GNG12: variants seen among roughly 807,000 people sequenced by gnomAD.
GNG12 encodes the protein guanine nucleotide-binding protein G(I)/G(S)/G(O) subunit gamma-12.
For missense variants in GNG12, 69 were observed against 83.8 expected (o/e 0.82, Z 0.69); for synonymous variants, 28 against 29.7 (o/e 0.94, Z 0.19).
At chr1:67,738,435 C>T (rs918740385) in intron 2 of GNG12, among the ~76,000 whole-genome samples, 1 of 152,130 alleles carries the variant, frequency 6.6e-6, no homozygotes, top group African/African-American at 2.4e-5. Context: ...AGTCACTGTC[C>T]TCACTGAGCT....
At chr1:67,719,792 T>C (rs1388426476) in intron 2 of GNG12, among the ~76,000 whole-genome samples, 1 of 152,244 alleles carries the variant, frequency 6.6e-6, no homozygotes, top group African/African-American at 2.4e-5. Flanking sequence ...AGCTATTACA[T>C]GGCAGAAAGA....
In GNG12 at chr1:67,714,140, G is replaced by A. The variant is rs114258987; in HGVS notation, c.-26-6428C>T. On this transcript the variant is annotated intron_variant, in intron 2 of 3. Coordinates refer to ENST00000370982, the MANE Select transcript of GNG12 (RefSeq NM_018841.6). Reference sequence around the variant, plus strand: ...TTTTAACTTTAAATTGAATGTCAACGTTTGAAAAATGGAGAGATTTCCTTT... The same window carrying A: ...TTTTAACTTTAAATTGAATGTCAACATTTGAAAAATGGAGAGATTTCCTTT... 2.3e-3 allele frequency among the ~76,000 whole-genome samples: 344 copies of A among 152,264 alleles called. 1 individual carries two copies. The highest frequency in any genetic ancestry group is 3.4e-3 in the Non-Finnish European group (228 of 68,012).
intron 1 of GNG12, among the ~76,000 whole-genome samples, chr1:67,808,500 G>A (rs750962706): frequency 1.4e-4 from 21 of 151,998 alleles, no homozygotes; most frequent in Non-Finnish European, 2.8e-4. Flanking sequence ...AGGGGAAGAG[G>A]AAATAAAACT....
chr1:67,831,436 C>G lies in GNG12; in HGVS notation c.-77+1908G>C, dbSNP rs542355581. 5.3e-5 allele frequency among the ~76,000 whole-genome samples: 8 copies of G among 152,216 alleles called. No individual in the cohort carries two copies. The South Asian group carries it at 1.7e-3, about 32-fold the overall frequency. Reference sequence around the variant, plus strand: ...TTTATAATTCTATTTTTTTCAGGCTCTTGTGAAACACAGATTCACATTTTC... The same window carrying G: ...TTTATAATTCTATTTTTTTCAGGCTGTTGTGAAACACAGATTCACATTTTC... On this transcript the variant is annotated intron_variant, in intron 1 of 3. Transcript: ENST00000370982.
intron 1 of GNG12, among the ~76,000 whole-genome samples, chr1:67,786,219 T>C (rs918285062): frequency 1.1e-4 from 17 of 152,184 alleles, no homozygotes; most frequent in Non-Finnish European, 2.9e-5. Context: ...TCCATGTATA[T>C]ACCAATAAAC....
At chr1:67,780,816 T>G (rs922789197) in intron 1 of GNG12, among the ~76,000 whole-genome samples, 1 of 152,206 alleles carries the variant, frequency 6.6e-6, no homozygotes, top group African/African-American at 2.4e-5. Flanking sequence ...TCATCAGTTT[T>G]ATTTGACTTT....
intron 2 of GNG12, among the ~76,000 whole-genome samples, chr1:67,760,971 G>C (rs1352531629): frequency 6.6e-6 from 1 of 152,176 alleles, no homozygotes; most frequent in African/African-American, 2.4e-5. Flanking sequence ...TTCTTGCTTT[G>C]AAAATGTGCA....
intron 1 of GNG12, among the ~76,000 whole-genome samples, chr1:67,789,740 G>A (rs112487020): frequency 1.4e-4 from 22 of 152,294 alleles, no homozygotes; most frequent in Non-Finnish European, 2.2e-4. Flanking sequence ...AACAAGAGCC[G>A]GAAGGGTTTG....
chr1:67,774,307 C>T (rs993710913), intron 2 of GNG12, among the ~76,000 whole-genome samples: 3 of 152,198 alleles, frequency 2.0e-5, no homozygotes, highest in African/African-American at 7.2e-5. Context: ...TGACTTCACC[C>T]CACTTTTCCT....
chr1:67,739,888 G>C (rs74544889), intron 2 of GNG12, among the ~76,000 whole-genome samples: 1,768 of 152,316 alleles, frequency 0.012, 40 homozygotes, highest in African/African-American at 0.04. Context: ...TTTTAAAGCT[G>C]CTTTTCCATC....
chr1:67,798,554 A>AC (rs1238665307), intron 1 of GNG12, among the ~76,000 whole-genome samples: 1 of 151,630 alleles, frequency 6.6e-6, no homozygotes, highest in Non-Finnish European at 1.5e-5. Context: ...CCCCTCTGCC[A>AC]CCCCGAGACA....
intron 2 of GNG12, among the ~76,000 whole-genome samples, chr1:67,727,462 A>G (rs1309174463): frequency 1.3e-5 from 2 of 152,244 alleles, no homozygotes; most frequent in Non-Finnish European, 2.9e-5. Context: ...AGATTGAATA[A>G]ATACATGCAT....
chr1:67,790,610 C>CTT (rs34333997), intron 1 of GNG12, among the ~76,000 whole-genome samples: 6 of 125,378 alleles, frequency 4.8e-5, no homozygotes, highest in African/African-American at 1.2e-4. Context: ...TAGTTTATTC[C>CTT]TTTTTTTTTT....
intron 2 of GNG12, among the ~76,000 whole-genome samples, chr1:67,711,008 TCTC>T (rs1298206917): frequency 2.0e-5 from 3 of 152,234 alleles, no homozygotes; most frequent in South Asian, 2.1e-4. Flanking sequence ...CCTAGCCCCT[TCTC>T]CTGCTCTGCT....
At chr1:67,811,244 T>G (rs1646923500) in intron 1 of GNG12, among the ~76,000 whole-genome samples, 1 of 152,192 alleles carries the variant, frequency 6.6e-6, no homozygotes, top group South Asian at 2.1e-4. Context: ...CACATACAGT[T>G]GAACTGGTTC....
At chr1:67,785,045 T>C (rs529680662) in intron 1 of GNG12, among the ~76,000 whole-genome samples, 108 of 152,294 alleles carry the variant, frequency 7.1e-4, no homozygotes, top group African/African-American at 2.5e-3. Context: ...TGAATCCCTC[T>C]TTCTCTGAGT....
intron 1 of GNG12, among the ~76,000 whole-genome samples, chr1:67,832,725 A>G (rs1179458277): frequency 6.6e-6 from 1 of 152,030 alleles, no homozygotes; most frequent in Non-Finnish European, 1.5e-5. Flanking sequence ...GGGGTGCGTC[A>G]TATGGGCTCT....
At chr1:67,793,618 C>G (rs1179254284) in intron 1 of GNG12, among the ~76,000 whole-genome samples, 1 of 152,008 alleles carries the variant, frequency 6.6e-6, no homozygotes, top group African/African-American at 2.4e-5. Flanking sequence ...CCACTGCAGT[C>G]TGCATCCCTC....
intron 1 of GNG12, among the ~76,000 whole-genome samples, chr1:67,806,169 A>C (rs528893064): frequency 1.3e-5 from 2 of 152,220 alleles, no homozygotes; most frequent in African/African-American, 4.8e-5. Flanking sequence ...AGGGAAAATG[A>C]TATAGGTCAG....
Sources: allele counts gnomAD v4.1 joint callset (sites outside exome capture counted in the v4.1 genomes callset), GRCh38; gene constraint gnomAD v4.1.1; transcripts MANE v1.5; gene names NCBI Gene and HGNC (gene_info 2026-07-23, HGNC 2026-07-21).